RSPH14: variants seen among roughly 807,000 people sequenced by gnomAD.
The protein encoded by RSPH14 is radial spoke head 14 homolog.
RSPH14 carries 20 observed loss-of-function variants against 26.7 expected under a neutral mutation model. The observed-to-expected ratio is 0.75, with a 90% CI of 0.53 to 1.09. The LOEUF (loss-of-function observed/expected upper bound fraction) is 1.09, where lower values mean the gene tolerates loss of function less well. Ranked by LOEUF, RSPH14 falls within the 50% of genes least tolerant of loss-of-function variation. The probability of loss-of-function intolerance (pLI) is 0.00; values close to 1 mark genes in which losing one functional copy is unlikely to be tolerated. For missense variants in RSPH14, 449 were observed against 457.2 expected, an observed-to-expected ratio of 0.98 and a Z score of 0.16; for synonymous variants, 177 against 189.3, an observed-to-expected ratio of 0.93 and a Z score of 0.53.
intron 4 of RSPH14, among the ~76,000 whole-genome samples, chr22:23,116,721 C>T (rs1411320043): frequency 6.6e-6 from 1 of 152,192 alleles, no homozygotes; most frequent in African/African-American, 2.4e-5. Context: ...CCAGCCCAGG[C>T]GCTTGTCCCA....
chr22:23,070,370 C>CGGCGGGCGGCG (rs2068321921), intron 4 of RSPH14: 6 of 144,120 alleles, frequency 4.2e-5, no homozygotes, highest in Admixed American at 4.1e-4. Context: ...GGGCGGCGGG[C>CGGCGGGCGGCG]GGCGGGCGGC....
At chr22:23,134,259 T>G in intron 3 of RSPH14, 115 bp from the exon 4 acceptor site, 2 of 713,888 alleles carry the variant, frequency 2.8e-6, no homozygotes, top group African/African-American at 1.8e-5. Flanking sequence ...GTAGACCACA[T>G]TCCTCTGGCT....
chr22:23,114,093 C>T (rs763032148), intron 4 of RSPH14, among the ~76,000 whole-genome samples: 1 of 152,202 alleles, frequency 6.6e-6, no homozygotes, highest in Non-Finnish European at 1.5e-5. Flanking sequence ...TGCCTCGGCC[C>T]CTCAGTCAGG....
the RSPH14 span, chr22:23,180,570 A>AGGAGGC: frequency 1.8e-5 from 2 of 108,992 alleles, no homozygotes; most frequent in Non-Finnish European, 3.0e-5. Context: ...GCGTCCGAGG[A>AGGAGGC]GGCGGCGGCG....
intron 1 of RSPH14, 58 bp from the exon 2 acceptor site, chr22:23,140,530 T>C (rs923767961): frequency 7.4e-6 from 11 of 1,490,068 alleles, no homozygotes; most frequent in Admixed American, 2.3e-5. Context: ...CTACTTCTCA[T>C]CTGATCCTCC....
the RSPH14 span, chr22:23,160,936 T>C: frequency 6.2e-7 from 1 of 1,613,830 alleles, no homozygotes; most frequent in South Asian, 1.1e-5. Context: ...GAGCAGTCGG[T>C]GCTGCAGGAC....
chr22:23,144,046 TC>T (rs1054936066), upstream of RSPH14, among the ~76,000 whole-genome samples: 7 of 117,148 alleles, frequency 6.0e-5, no homozygotes, highest in African/African-American at 2.4e-4. Flanking sequence ...TGAGCCGAGA[TC>T]ACACTACTGC....
chr22:23,124,053 G>A (rs2070105980), intron 4 of RSPH14: 1 of 230,334 alleles, frequency 4.3e-6, no homozygotes, highest in Non-Finnish European at 8.8e-6. Flanking sequence ...TTAAAAAACA[G>A]CTTCAAAATA....
chr22:23,079,760 A>C (rs1264738888), intron 4 of RSPH14, among the ~76,000 whole-genome samples: 1 of 152,138 alleles, frequency 6.6e-6, no homozygotes, highest in Non-Finnish European at 1.5e-5. Flanking sequence ...CTGGACAGTC[A>C]GGGCAATTAA....
At chr22:23,087,755 A>C (rs12166844) in intron 4 of RSPH14, among the ~76,000 whole-genome samples, 3 of 152,226 alleles carry the variant, frequency 2.0e-5, no homozygotes, top group Middle Eastern at 3.4e-3. Flanking sequence ...CTGCTCAGTC[A>C]GTTCCTGGGT....
intron 4 of RSPH14, among the ~76,000 whole-genome samples, chr22:23,119,218 G>A (rs545485132): frequency 4.6e-5 from 7 of 152,328 alleles, no homozygotes; most frequent in East Asian, 3.9e-4. Flanking sequence ...ACAGGCTCCC[G>A]AGGTCACCAG....
intron 4 of RSPH14, among the ~76,000 whole-genome samples, chr22:23,100,382 C>T (rs1232954042): frequency 2.6e-5 from 4 of 152,232 alleles, no homozygotes; most frequent in East Asian, 1.9e-4. Flanking sequence ...CAGGGTTCAC[C>T]GTGGGAGGCC....
the RSPH14 span, chr22:23,152,341 C>T: frequency 3.9e-4 from 392 of 1,017,438 alleles, 1 homozygote; most frequent in African/African-American, 5.2e-3. Flanking sequence ...GGTGGCCCAT[C>T]CTGTGTCCAG....
At chr22:23,120,035 C>G (rs1048104208) in intron 4 of RSPH14, among the ~76,000 whole-genome samples, 1 of 152,184 alleles carries the variant, frequency 6.6e-6, no homozygotes, top group South Asian at 2.1e-4. Flanking sequence ...GGCCCACACT[C>G]GGGAGATGTT....
chr22:23,140,484 CA>C lies in RSPH14; in HGVS notation c.-52-13del. On this transcript the variant is annotated splice_polypyrimidine_tract_variant and intron_variant, in intron 1 of 6. Transcript: ENST00000216036. ...GCAGAAACCACTCACTAAAAGAGAC[CA>C]AAAAGCTGTCATTATTTCTATTATG... 2 of 1,562,776 alleles carry C rather than the reference CA, an allele frequency of 1.3e-6. No homozygotes were observed. Among genetic ancestry groups the C allele is most frequent in the East Asian group, 2.3e-5 (1 of 43,548 alleles).
the RSPH14 span, among the ~76,000 whole-genome samples, chr22:23,157,698 G>C: frequency 1.3e-5 from 2 of 152,216 alleles, no homozygotes; most frequent in Non-Finnish European, 2.9e-5. Flanking sequence ...TCCCTTAGCC[G>C]TAAGTGGCAG....
intron 4 of RSPH14, among the ~76,000 whole-genome samples, chr22:23,120,355 T>C (rs2069979553): frequency 6.6e-6 from 1 of 152,052 alleles, no homozygotes; most frequent in South Asian, 2.1e-4. Context: ...TGCCTTGGCC[T>C]TGGAGAGAGG....
At chr22:23,072,427 C>T (rs577530946) in intron 4 of RSPH14, among the ~76,000 whole-genome samples, 10 of 152,274 alleles carry the variant, frequency 6.6e-5, no homozygotes, top group Admixed American at 3.9e-4. Flanking sequence ...CTCTAACTGA[C>T]GTTGATTTTC....
chr22:23,150,089 G>A, the RSPH14 span: 3 of 1,611,970 alleles, frequency 1.9e-6, no homozygotes, highest in East Asian at 2.2e-5. Context: ...CCTGTTTGCA[G>A]CTCAGGGAGC....
Sources: allele counts gnomAD v4.1 joint callset (sites outside exome capture counted in the v4.1 genomes callset), GRCh38; gene constraint gnomAD v4.1.1; transcripts MANE v1.5; gene names NCBI Gene and HGNC (gene_info 2026-07-23, HGNC 2026-07-21).